The following BRAF variants were observed in gnomAD, a reference collection of about 807,000 sequenced individuals.
BRAF encodes serine/threonine-protein kinase B-raf.
BRAF carries 16 observed loss-of-function variants against 104.6 expected under a neutral mutation model. The observed-to-expected ratio is 0.15, with a 90% confidence interval of 0.10 to 0.23. The LOEUF is 0.23. Among genes scored for constraint, BRAF ranks in the 10% least tolerant of loss-of-function variants. The pLI is 1.00. For missense variants in BRAF, 541 were observed against 937.3 expected, an observed-to-expected ratio of 0.58 and a Z score of 5.52; for synonymous variants, 310 against 341.6, an observed-to-expected ratio of 0.91 and a Z score of 1.02.
rs1186181534 is a variant in BRAF at position 140,809,885 on chromosome 7, A to C, written c.505-890T>G. ...GGAAAGGGAAAGGGAAAAAAAAAGT[A>C]ATCTCTCTGTATATTTAAAGTTATC... is the stretch of plus-strand genomic sequence containing the variant. On this transcript the variant is annotated intron_variant, in intron 3 of 19. Transcript: ENST00000644969. Among the ~76,000 whole-genome samples, 4 of 143,626 alleles carry C rather than the reference A, an allele frequency of 2.8e-5. No homozygotes were observed. In the East Asian group the frequency reaches 7.8e-4, roughly 28 times the overall value. 94.2% of individuals were successfully genotyped at this position (143,626 alleles called of 152,430 possible). A position where few individuals can be genotyped will look rare whatever the true frequency, so the allele number is the denominator to read the frequency against.
chr7:140,907,306 G>A (rs1011051096), intron 1 of BRAF, among the ~76,000 whole-genome samples: 1 of 152,094 alleles, frequency 6.6e-6, no homozygotes, highest in African/African-American at 2.4e-5. Flanking sequence ...CTGCCACCCA[G>A]GCTGGAGTGC....
At chr7:140,880,114 A>ATATG (rs1812727795) in intron 1 of BRAF, among the ~76,000 whole-genome samples, 1 of 152,174 alleles carries the variant, frequency 6.6e-6, no homozygotes, top group African/African-American at 2.4e-5. Flanking sequence ...GAACCAGGCA[A>ATATG]TATGGTCTGA....
chr7:140,823,014 G>A (rs1342767758), intron 3 of BRAF, among the ~76,000 whole-genome samples: 1 of 152,008 alleles, frequency 6.6e-6, no homozygotes, highest in Non-Finnish European at 1.5e-5. Flanking sequence ...TGTAGACATG[G>A]GGTCTCACTA....
chr7:140,783,232 G>T, intron 10 of BRAF, 75 bp from the exon 10 acceptor site: 1 of 1,552,318 alleles, frequency 6.4e-7, no homozygotes, highest in East Asian at 2.3e-5. Flanking sequence ...AGAAGGTTGG[G>T]GGATATTTAG....
intron 1 of BRAF, among the ~76,000 whole-genome samples, chr7:140,910,913 C>T (rs983916673): frequency 6.6e-6 from 1 of 152,152 alleles, no homozygotes; most frequent in Non-Finnish European, 1.5e-5. Context: ...AGTCGTCCCG[C>T]CTCAGCCTCC....
Position 140,724,555 on chromosome 7 carries a change from C to A in BRAF, c.*1939G>T. Reference sequence around the variant, plus strand: ...TCAAACTGATTAATAACTTAAGGATCTTTTCCATTTTACTAGGACAACCTT... The same window carrying A: ...TCAAACTGATTAATAACTTAAGGATATTTTCCATTTTACTAGGACAACCTT... On this transcript the variant is annotated 3_prime_UTR_variant, in exon 20 of 20. Coordinates refer to ENST00000644969, the MANE Select transcript of BRAF (RefSeq NM_001374258.1). 6.7e-6 allele frequency: 7 copies of A among 1,042,512 alleles called. No individual in the cohort carries two copies. The highest frequency in any genetic ancestry group is 8.1e-6 in the Non-Finnish European group (7 of 864,856). 64.6% of individuals were successfully genotyped at this position (1,042,512 alleles called of 1,614,324 possible).
chr7:140,822,888 A>C (rs1463637371), intron 3 of BRAF, among the ~76,000 whole-genome samples: 1 of 152,180 alleles, frequency 6.6e-6, no homozygotes, highest in Non-Finnish European at 1.5e-5. Context: ...GCAATGGTGC[A>C]CATAGCACAA....
At chr7:140,798,004 G>GT (rs1222277174) in intron 7 of BRAF, among the ~76,000 whole-genome samples, 2 of 152,082 alleles carry the variant, frequency 1.3e-5, no homozygotes, top group Non-Finnish European at 1.5e-5. Context: ...TTCCAAATAG[G>GT]TAAGTATACT....
intron 3 of BRAF, among the ~76,000 whole-genome samples, chr7:140,829,046 T>C (rs1033200086): frequency 2.0e-5 from 3 of 152,202 alleles, no homozygotes; most frequent in Non-Finnish European, 2.9e-5. Flanking sequence ...TATTTATATC[T>C]TTTCCCTATT....
At chr7:140,747,788 C>A (rs1177277175) in intron 17 of BRAF, among the ~76,000 whole-genome samples, 2 of 152,156 alleles carry the variant, frequency 1.3e-5, no homozygotes, top group Non-Finnish European at 1.5e-5. Context: ...CATTTTGCTA[C>A]CCCAACTGCC....
In BRAF at chr7:140,875,624, C is replaced by T. The variant is rs138041121; in HGVS notation, c.139-25412G>A. ...AACTCCCGACCTCCGGTGATCCACC[C>T]GCCTCGGCCTTCCAAAGTGCTGGGA... On this transcript the variant is annotated intron_variant, in intron 1 of 19. Coordinates refer to ENST00000644969, the MANE Select transcript of BRAF (RefSeq NM_001374258.1). 6.3e-3 allele frequency among the ~76,000 whole-genome samples: 960 copies of T among 152,320 alleles called. 12 individuals carry two copies. The highest frequency in any genetic ancestry group is 0.02 in the African/African-American group (820 of 41,560).
intron 1 of BRAF, among the ~76,000 whole-genome samples, chr7:140,894,732 G>A (rs989904133): frequency 2.6e-5 from 4 of 151,776 alleles, no homozygotes; most frequent in African/African-American, 9.7e-5. Context: ...TTAATAATGT[G>A]GAAGAACTGC....
intron 18 of BRAF, among the ~76,000 whole-genome samples, chr7:140,735,493 T>TA (rs1425114313): frequency 6.6e-6 from 1 of 152,242 alleles, no homozygotes; most frequent in Non-Finnish European, 1.5e-5. Context: ...GCCTGGCCTA[T>TA]AATAAGCACT....
At chr7:140,789,260 G>A (rs528106045) in intron 8 of BRAF, among the ~76,000 whole-genome samples, 3 of 151,946 alleles carry the variant, frequency 2.0e-5, no homozygotes, top group South Asian at 4.2e-4. Flanking sequence ...TTATAACAAC[G>A]ATGGTAGTGG....
chr7:140,873,505 C>G (rs1325099252), intron 1 of BRAF, among the ~76,000 whole-genome samples: 1 of 152,150 alleles, frequency 6.6e-6, no homozygotes, highest in African/African-American at 2.4e-5. Flanking sequence ...GCTGCCATCC[C>G]TTCTTCAGAT....
chr7:140,768,232 A>T (rs767098670), intron 14 of BRAF, among the ~76,000 whole-genome samples: 6 of 146,942 alleles, frequency 4.1e-5, no homozygotes, highest in African/African-American at 1.3e-4. Flanking sequence ...TCCTATAATG[A>T]TTACATATTT....
chr7:140,785,029 T>C (rs1298067347), intron 10 of BRAF, among the ~76,000 whole-genome samples: 1 of 152,218 alleles, frequency 6.6e-6, no homozygotes, highest in African/African-American at 2.4e-5. Flanking sequence ...TACTGTAAAC[T>C]TTCTTCTATT....
At chr7:140,777,723 A>C (rs1800469134) in intron 13 of BRAF, among the ~76,000 whole-genome samples, 1 of 152,212 alleles carries the variant, frequency 6.6e-6, no homozygotes, top group Non-Finnish European at 1.5e-5. Context: ...TATTCTTTTC[A>C]TAAGTAGAAC....
rs1388614891 is a variant in BRAF at position 140,723,700 on chromosome 7, C to T, written c.*2794G>A. On this transcript the variant is annotated 3_prime_UTR_variant, in exon 20 of 20. Transcript: ENST00000644969. ...CTCTCAAATTTTTCAGAAGGCTTCA[C>T]CTCTCCCTACCAAAAATAAAACACA... 12 of 1,051,408 alleles carry T rather than the reference C, an allele frequency of 1.1e-5. No individual in the cohort carries two copies. The highest frequency in any genetic ancestry group is 1.7e-5 in the African/African-American group (1 of 60,278). The allele number at this position is 1,051,408 out of a possible 1,614,324, so 65.1% of individuals were successfully genotyped here.
Sources: gnomAD v4.1 joint callset for allele counts (sites outside exome capture counted in the v4.1 genomes callset) on GRCh38, gnomAD v4.1.1 for gene constraint, MANE v1.5 for transcripts, NCBI Gene and HGNC (gene_info 2026-07-23, HGNC 2026-07-21) for gene names.